Variants in ACSM1 observed in about 807,000 individuals in gnomAD.
ACSM1 encodes the protein acyl-coenzyme A synthetase ACSM1, mitochondrial.
ACSM1 carries 79 observed loss-of-function variants against 75.8 expected under a neutral mutation model. The observed-to-expected ratio is 1.04, with a 90% CI of 0.87 to 1.26. The LOEUF is 1.26. Among genes scored for constraint, ACSM1 ranks in the 50% most tolerant of loss-of-function variants. The pLI, the probability that ACSM1 is intolerant of heterozygous loss-of-function variation, is 0.00. For missense variants in ACSM1, 676 were observed against 720.1 expected, an observed-to-expected ratio of 0.94 and a Z score of 0.70; for synonymous variants, 279 against 265.8, an observed-to-expected ratio of 1.05 and a Z score of -0.48.
chr16:20,670,054 G>A, intron 5 of ACSM1, 68 bp from the exon 6 acceptor site: 3 of 1,525,106 alleles, frequency 2.0e-6, no homozygotes, highest in East Asian at 4.6e-5. Context: ...TGTGCACTCT[G>A]GTTTTTAGCT....
rs1245498476 is a variant in ACSM1, at chr16:20,669,481, CA to C, written c.912+345del. 4.7e-5 allele frequency among the ~76,000 whole-genome samples: 7 copies of C among 149,992 alleles called. No homozygotes were observed. In the South Asian group the frequency reaches 8.5e-4, roughly 18 times the overall value. On this transcript the variant is annotated intron_variant, in intron 6 of 13. Transcript: ENST00000520010. Reference sequence around the variant, plus strand: ...ACACACACACACACACACACACACACACCCCAGCTGCTTGGCCCTGGCAGCA... The same window carrying C: ...ACACACACACACACACACACACACACCCCCAGCTGCTTGGCCCTGGCAGCA...
intron 7 of ACSM1, among the ~76,000 whole-genome samples, chr16:20,658,494 T>C (rs982539054): frequency 6.6e-6 from 1 of 151,550 alleles, no homozygotes; most frequent in East Asian, 1.9e-4. Flanking sequence ...CTAGAAGTAA[T>C]CAATGCCTGT....
chr16:20,673,573 T>C (rs968185002), intron 4 of ACSM1, among the ~76,000 whole-genome samples: 1 of 152,134 alleles, frequency 6.6e-6, no homozygotes, highest in Admixed American at 6.5e-5. Context: ...GCTTACAGAA[T>C]CAGAGTTTTG....
chr16:20,683,834 C>T (rs928171558), intron 3 of ACSM1, among the ~76,000 whole-genome samples: 2 of 151,972 alleles, frequency 1.3e-5, no homozygotes, highest in Non-Finnish European at 2.9e-5. Context: ...TCCCAAAGTG[C>T]TGGTATTATA....
chr16:20,658,574 C>T (rs531042411), intron 7 of ACSM1, among the ~76,000 whole-genome samples: 2 of 152,194 alleles, frequency 1.3e-5, no homozygotes, highest in Non-Finnish European at 2.9e-5. Flanking sequence ...AGGTCTTCAG[C>T]CATGGGCAGT....
rs765523680 is a variant in ACSM1, at chr16:20,640,498, C to T, written c.1079G>A (p.Gly360Asp). Reference sequence around the variant, plus strand: ...CCCATAGTTCTCGTAGAGCAGAAGGCCCGTCCGTCTTTTCCACTCCTCCTG... The same window carrying T: ...CCCATAGTTCTCGTAGAGCAGAAGGTCCGTCCGTCTTTTCCACTCCTCCTG... ...KDQEEWKRRT[G>D]LLLYENYGQS... Residue 360 changes from glycine to aspartate, a missense_variant, in exon 8 of 14, where the codon GGC (glycine) becomes GAC (aspartate). Coordinates refer to ENST00000520010, the MANE Select transcript of ACSM1 (RefSeq NM_001318890.3). 2.5e-6 allele frequency: 4 copies of T among 1,614,152 alleles called. No individual in the cohort carries two copies. Among genetic ancestry groups the T allele is most frequent in the Non-Finnish European group, 3.4e-6 (4 of 1,180,008 alleles).
chr16:20,642,223 G>A (rs1364984989), intron 7 of ACSM1, among the ~76,000 whole-genome samples: 2 of 152,130 alleles, frequency 1.3e-5, no homozygotes, highest in Non-Finnish European at 2.9e-5. Context: ...ATTTAGATGA[G>A]GAAGAGGAGG....
chr16:20,649,943 A>G (rs1596841749), intron 7 of ACSM1, among the ~76,000 whole-genome samples: 1 of 152,184 alleles, frequency 6.6e-6, no homozygotes, highest in African/African-American at 2.4e-5. Flanking sequence ...CTCTTTGTCA[A>G]CAATAGTTTG....
chr16:20,636,173 G>T (rs1338249269), intron 10 of ACSM1, among the ~76,000 whole-genome samples: 1 of 152,190 alleles, frequency 6.6e-6, no homozygotes, highest in Non-Finnish European at 1.5e-5. Context: ...AATATTGGGA[G>T]CTAAGATTTT....
chr16:20,647,628 A>T (rs549555392), intron 7 of ACSM1, among the ~76,000 whole-genome samples: 110 of 152,282 alleles, frequency 7.2e-4, no homozygotes, highest in African/African-American at 2.6e-3. Context: ...ACAGCCTGCA[A>T]TTGCCTTCTC....
intron 4 of ACSM1, among the ~76,000 whole-genome samples, chr16:20,677,879 C>T (rs1438266742): frequency 6.6e-6 from 1 of 152,022 alleles, no homozygotes; most frequent in Non-Finnish European, 1.5e-5. Flanking sequence ...AAAAAAAAGG[C>T]TTTTAACTGC....
rs767010893 is a variant in ACSM1 at position 20,682,346 on chromosome 16, G to A, written c.521C>T (p.Ser174Phe). ...TIDALASEVD[S>F]IASQCPSLKT... is the part of the protein sequence containing the mutation. ...CAGAGAGGGGCACTGAGAAGCTATGGAGTCCACCTCTGAGGCAAGGGCATC... is the reference window on the plus strand; with the variant it reads ...CAGAGAGGGGCACTGAGAAGCTATGAAGTCCACCTCTGAGGCAAGGGCATC... Residue 174 changes from serine to phenylalanine, a missense_variant, in exon 4 of 14, where the codon TCC becomes TTC. Physicochemically the swap from Ser to Phe is radical, Grantham distance 155. Coordinates refer to ENST00000520010, the MANE Select transcript of ACSM1 (RefSeq NM_001318890.3). The A allele has an allele frequency of 1.2e-6, 2 of 1,614,046 alleles. No homozygotes were observed. The highest frequency in any genetic ancestry group is 1.7e-6 in the Non-Finnish European group (2 of 1,179,968).
chr16:20,691,198 G>C lies in ACSM1; in HGVS notation c.-10C>G, dbSNP rs367747245. The C allele has an allele frequency of 2.6e-6, 4 of 1,556,126 alleles. No homozygotes were observed. The African/African-American group carries it at 5.6e-5, about 22-fold the overall frequency. On this transcript the variant is annotated 5_prime_UTR_variant, in exon 2 of 14. Coordinates refer to ENST00000520010, the MANE Select transcript of ACSM1 (RefSeq NM_001318890.3). Reference sequence around the variant, plus strand: ...TCATTAGCCACTGCATGGTGAAACAGTCCTCAGAAACCAGGCACAGAGTTC... The same window carrying C: ...TCATTAGCCACTGCATGGTGAAACACTCCTCAGAAACCAGGCACAGAGTTC...
chr16:20,671,498 G>T, intron 5 of ACSM1, 33 bp downstream of exon 5: 1 of 1,574,874 alleles, frequency 6.3e-7, no homozygotes, highest in Non-Finnish European at 8.6e-7. Flanking sequence ...CCACATCTGG[G>T]TCCAGCCTCT....
intron 2 of ACSM1, 129 bp downstream of exon 2, chr16:20,690,868 C>T (rs546647369): frequency 2.4e-6 from 2 of 845,102 alleles, no homozygotes; most frequent in East Asian, 3.0e-5. Context: ...GAAATATAAG[C>T]TTCTTCCACA....
At chr16:20,641,534 C>T (rs1190803898) in intron 7 of ACSM1, among the ~76,000 whole-genome samples, 2 of 152,288 alleles carry the variant, frequency 1.3e-5, no homozygotes, top group East Asian at 1.9e-4. Flanking sequence ...AATGCTATAC[C>T]ATCACAGGTG....
chr16:20,642,468 G>A (rs1297186435), intron 7 of ACSM1, among the ~76,000 whole-genome samples: 2 of 152,178 alleles, frequency 1.3e-5, no homozygotes, highest in Non-Finnish European at 1.5e-5. Flanking sequence ...ATTGGTGGTG[G>A]TATACAAAAT....
chr16:20,696,935 C>G lies in ACSM1; in HGVS notation c.-52+701G>C, dbSNP rs1319002719. On this transcript the variant is annotated intron_variant, in intron 1 of 13. Transcript: ENST00000520010. Reference sequence around the variant, plus strand: ...GTTCATGTCTCTGAACTTAAGCGCACAGTAGTAATACCTTCTTCCCAGCTC... The same window carrying G: ...GTTCATGTCTCTGAACTTAAGCGCAGAGTAGTAATACCTTCTTCCCAGCTC... Among the ~76,000 whole-genome samples, 3 of 152,182 alleles carry G rather than the reference C, an allele frequency of 2.0e-5. No homozygotes were observed. The East Asian group carries it at 5.8e-4, about 29-fold the overall frequency.
At chr16:20,678,569 G>A (rs1042695348) in intron 4 of ACSM1, among the ~76,000 whole-genome samples, 9 of 152,118 alleles carry the variant, frequency 5.9e-5, no homozygotes, top group Non-Finnish European at 1.0e-4. Context: ...CTTCCTCACC[G>A]GGACAGAGAA....
Sources: gnomAD v4.1 joint callset for allele counts (sites outside exome capture counted in the v4.1 genomes callset) on GRCh38, gnomAD v4.1.1 for gene constraint, MANE v1.5 for transcripts, NCBI Gene and HGNC (gene_info 2026-07-23, HGNC 2026-07-21) for gene names.